The following ARHGEF26 variants were observed in gnomAD, a reference collection of about 807,000 sequenced individuals.
ARHGEF26 encodes Rho guanine nucleotide exchange factor (GEF) 26.
A neutral mutation model predicts 89.4 loss-of-function variants in ARHGEF26; 59 were observed. That is an observed-to-expected ratio of 0.66 (90% CI 0.54 to 0.82). The LOEUF is 0.82. Among genes scored for constraint, ARHGEF26 ranks in the 40% least tolerant of loss-of-function variants. The pLI, the probability that ARHGEF26 is intolerant of heterozygous loss-of-function variation, is 0.00. For synonymous variants in ARHGEF26, 500 were observed against 428.4 expected (o/e 1.17, Z -2.06); for missense variants, 1,234 against 1,085.6 (o/e 1.14, Z -1.92).
At position 154,122,438 on chromosome 3, in the gene ARHGEF26, C is replaced by T; in HGVS notation, c.446C>T (p.Thr149Ile). 6.2e-7 allele frequency: 1 copy of T among 1,611,892 alleles called. No individual in the cohort carries two copies. The highest frequency in any genetic ancestry group is 1.1e-5 in the South Asian group (1 of 91,018). The change falls in exon 2 of 15, where the codon ACT (threonine) becomes ATT (isoleucine). Residue 149 changes from threonine to isoleucine, a missense_variant. Thr to Ile is a moderately conservative substitution (Grantham distance 89). Coordinates refer to ENST00000465093, the MANE Select transcript of ARHGEF26 (RefSeq NM_015595.4). ...CCGCCGGTTCTGCGCCCCCCGCGGA[C>T]TCCTAACGCGCCCGCCCCCTGCACC... ...PPPPVLRPPRTPNAPAPCTPE... is the reference protein window; with the variant it reads ...PPPPVLRPPRIPNAPAPCTPE...
chr3:154,213,201 T>TAG (rs60158333), intron 9 of ARHGEF26, among the ~76,000 whole-genome samples: 58,112 of 134,548 alleles, frequency 0.43, 12,620 homozygotes, highest in East Asian at 0.68. Flanking sequence ...ACGAGTAACA[T>TAG]AGAGAGAGAG....
chr3:154,226,660 TACACAC>T (rs3029724), intron 11 of ARHGEF26, among the ~76,000 whole-genome samples: 1,779 of 147,644 alleles, frequency 0.012, 26 homozygotes, highest in African/African-American at 0.032. Context: ...GTTTCTGTTC[TACACAC>T]ACACACACAC....
At chr3:154,176,232 C>T (rs189898452) in intron 6 of ARHGEF26, among the ~76,000 whole-genome samples, 166 of 152,320 alleles carry the variant, frequency 1.1e-3, no homozygotes, top group Non-Finnish European at 1.9e-3. Flanking sequence ...CACATTCCTG[C>T]ACCTGGCTGG....
chr3:154,235,916 A>G (rs868234987), intron 11 of ARHGEF26, among the ~76,000 whole-genome samples: 3 of 152,164 alleles, frequency 2.0e-5, no homozygotes, highest in Non-Finnish European at 4.4e-5. Flanking sequence ...GTATTTTTAA[A>G]ATGTATGCAA....
chr3:154,146,894 C>G (rs1489557586), intron 4 of ARHGEF26, among the ~76,000 whole-genome samples: 3 of 152,146 alleles, frequency 2.0e-5, no homozygotes, highest in Non-Finnish European at 4.4e-5. Context: ...TATACAAAAT[C>G]AAGAACCTCA....
chr3:154,217,751 G>C (rs1297794378), intron 9 of ARHGEF26, 118 bp from the exon 10 acceptor site: 2 of 743,990 alleles, frequency 2.7e-6, no homozygotes, highest in Non-Finnish European at 4.6e-6. Flanking sequence ...TGAGTTCTCT[G>C]TCAGAAATGA....
At chr3:154,239,304 G>GTATA (rs1433932643) in intron 11 of ARHGEF26, among the ~76,000 whole-genome samples, 72 of 26,258 alleles carry the variant, frequency 2.7e-3, no homozygotes, top group African/African-American at 7.5e-3. Flanking sequence ...GAGAGAGTGT[G>GTATA]TGTGTGTGTG....
intron 10 of ARHGEF26, among the ~76,000 whole-genome samples, chr3:154,218,467 T>C (rs1247756476): frequency 6.6e-6 from 1 of 152,202 alleles, no homozygotes; most frequent in African/African-American, 2.4e-5. Context: ...CTGATACTGC[T>C]CTTGAGCAGA....
chr3:154,225,738 CAA>C lies in ARHGEF26; in HGVS notation c.1936-117_1936-116del, dbSNP rs1477577988. 5.5e-6 allele frequency: 6 copies of C among 1,090,806 alleles called. No homozygotes were observed. In the South Asian group the frequency reaches 5.8e-5, roughly 11 times the overall value. The allele number at this position is 1,090,806 out of a possible 1,614,324, so 67.6% of individuals were successfully genotyped here. On this transcript the variant is annotated intron_variant, in intron 10 of 14. Coordinates refer to ENST00000465093, the MANE Select transcript of ARHGEF26 (RefSeq NM_015595.4). ...AGTTCAGTTTTATATGCCTATAAAA[CAA>C]TGATGCATACTATGATAAGTATCAT...
At chr3:154,141,450 TTGGCCTCCATGATGTACTA>T (rs1409522112) in intron 4 of ARHGEF26, among the ~76,000 whole-genome samples, 7 of 152,190 alleles carry the variant, frequency 4.6e-5, no homozygotes, top group African/African-American at 1.7e-4. Flanking sequence ...CCAGTCAGCT[TTGGCCTCCATGATGTACTA>T]TGGCACAAAA....
At chr3:154,220,285 C>A (rs1716045766) in intron 10 of ARHGEF26, among the ~76,000 whole-genome samples, 1 of 152,106 alleles carries the variant, frequency 6.6e-6, no homozygotes, top group African/African-American at 2.4e-5. Context: ...ACGTGATCAT[C>A]CCTCCCCTCA....
chr3:154,213,656 C>T (rs1024560984), intron 9 of ARHGEF26, among the ~76,000 whole-genome samples: 3 of 151,992 alleles, frequency 2.0e-5, no homozygotes, highest in Admixed American at 1.3e-4. Flanking sequence ...AGCTATTGGC[C>T]TGGTGTGCTG....
intron 10 of ARHGEF26, among the ~76,000 whole-genome samples, chr3:154,219,827 T>G (rs971804681): frequency 4.6e-5 from 7 of 151,546 alleles, no homozygotes; most frequent in African/African-American, 1.7e-4. Context: ...GGCAGGAGAA[T>G]GGCATGAACC....
Position 154,253,177 on chromosome 3 carries a change from C to G in ARHGEF26, c.2362C>G (p.Arg788Gly). The change falls in exon 13 of 15, where the codon CGA becomes GGA. Residue 788 changes from arginine to glycine, a missense_variant. By Grantham distance (125) the Arg-to-Gly change is moderately radical (BLOSUM62 -2). Transcript: ENST00000465093. ...CAGCAGCGGGAAGCCGCCTGCAGAC[C>G]GAACCTGTAAGTTCTCTCAAGGGGA... The part of the protein sequence containing the change: ...GHSSGKPPAD[R>G]TSLTQVEIVR... 1.2e-6 allele frequency: 2 copies of G among 1,614,020 alleles called. No homozygotes were observed. Among genetic ancestry groups the G allele is most frequent in the East Asian group, 2.2e-5 (1 of 44,886 alleles).
intron 12 of ARHGEF26, among the ~76,000 whole-genome samples, chr3:154,241,013 G>C (rs1717454661): frequency 6.6e-6 from 1 of 152,136 alleles, no homozygotes; most frequent in African/African-American, 2.4e-5. Flanking sequence ...AAAGCCCAAT[G>C]ATTTCTGTCA....
Position 154,129,664 on chromosome 3 carries a change from A to AAT in ARHGEF26, c.1215_1216insTA (p.Lys406Ter). 6.2e-7 allele frequency: 1 copy of AAT among 1,612,282 alleles called. No individual in the cohort carries two copies. The highest frequency in any genetic ancestry group is 8.5e-7 in the Non-Finnish European group (1 of 1,179,118). Reference sequence around the variant, plus strand: ...GAGCCCAAAGAACAGAAGTCAGATGAAAAAATTGTGATTCACCATAAGCCA... The same window carrying AAT: ...GAGCCCAAAGAACAGAAGTCAGATGAATAAAAATTGTGATTCACCATAAGCCA... On this transcript the variant is annotated frameshift_variant, in exon 4 of 15. Transcript: ENST00000465093. LOFTEE classifies it high-confidence loss of function.
chr3:154,226,696 C>CACACACA (rs3223632), intron 11 of ARHGEF26, among the ~76,000 whole-genome samples: 2 of 145,468 alleles, frequency 1.4e-5, no homozygotes, highest in African/African-American at 5.0e-5. Context: ...CACACACACA[C>CACACACA]CCCTTCAGCT....
At chr3:154,225,477 TTAAAA>T (rs1164373793) in intron 10 of ARHGEF26, among the ~76,000 whole-genome samples, 1 of 152,170 alleles carries the variant, frequency 6.6e-6, no homozygotes, top group African/African-American at 2.4e-5. Flanking sequence ...TTTGAGATAT[TTAAAA>T]TAACTAGTTG....
At chr3:154,249,255 A>T (rs937596804) in intron 12 of ARHGEF26, among the ~76,000 whole-genome samples, 1 of 152,188 alleles carries the variant, frequency 6.6e-6, no homozygotes, top group Non-Finnish European at 1.5e-5. Context: ...CTACTTTCTC[A>T]GTATGTATCT....
Sources: gnomAD v4.1 joint callset for allele counts (sites outside exome capture counted in the v4.1 genomes callset) on GRCh38, gnomAD v4.1.1 for gene constraint, MANE v1.5 for transcripts, NCBI Gene and HGNC (gene_info 2026-07-23, HGNC 2026-07-21) for gene names.